The following MICU1 variants were observed in gnomAD, a reference collection of about 807,000 sequenced individuals.
MICU1 encodes calcium uptake protein 1, mitochondrial.
MICU1 carries 45 observed loss-of-function variants against 56.8 expected under a neutral mutation model. The ratio of observed to expected loss-of-function variants is 0.79; its 90% CI spans 0.62 to 1.02. The LOEUF is 1.02. MICU1 is among the 50% of genes least tolerant of loss of function. The pLI is 0.00. For synonymous variants in MICU1, 186 were observed against 195.1 expected (o/e 0.95, Z 0.39); for missense variants, 504 against 587.1 (o/e 0.86, Z 1.46).
chr10:72,537,619 A>G (rs192919295), intron 4 of MICU1, among the ~76,000 whole-genome samples: 101 of 152,308 alleles, frequency 6.6e-4, no homozygotes, highest in South Asian at 3.7e-3. Context: ...CTTTTTATTG[A>G]TAAGAAAGCC....
At chr10:72,624,643 G>A in intron 1 of MICU1, among the ~76,000 whole-genome samples, 1 of 152,068 alleles carries the variant, frequency 6.6e-6, no homozygotes, top group East Asian at 1.9e-4. Context: ...TTTCTCCTCA[G>A]GCACACAAGC....
At chr10:72,398,604 CG>C (rs1024822388) in intron 10 of MICU1, among the ~76,000 whole-genome samples, 8 of 151,906 alleles carry the variant, frequency 5.3e-5, no homozygotes, top group Admixed American at 2.0e-4. Context: ...GAAATGATAA[CG>C]GGGATATACC....
chr10:72,446,311 GC>G (rs2132197147), intron 8 of MICU1, among the ~76,000 whole-genome samples: 1 of 151,636 alleles, frequency 6.6e-6, no homozygotes, highest in East Asian at 1.9e-4. Flanking sequence ...AAAAATCTAA[GC>G]CTAATGGAGT....
At chr10:72,544,651 AT>A (rs1173552472) in intron 4 of MICU1, among the ~76,000 whole-genome samples, 1 of 152,220 alleles carries the variant, frequency 6.6e-6, no homozygotes, top group Non-Finnish European at 1.5e-5. Context: ...GGTTACTGCA[AT>A]AGCAAGCACC....
At position 72,551,206 on chromosome 10, in the gene MICU1, T is replaced by C. The variant is rs781121328; in HGVS notation, c.466A>G (p.Ile156Val). 3.1e-6 allele frequency: 5 copies of C among 1,609,022 alleles called. No individual in the cohort carries two copies. The highest frequency in any genetic ancestry group is 1.1e-5 in the South Asian group (1 of 90,162). Residue 156 changes from isoleucine (I) to valine (V), a missense_variant, in exon 4 of 12, where the codon ATA (isoleucine) becomes GTA (valine). Physicochemically the swap from Ile to Val is conservative, Grantham distance 29. Transcript: ENST00000361114. ...TCTGGTTGTTTTTCATTGGGTGTTATGGATCGCACAAAATCTTCTGGTGTC... is the reference window on the plus strand; with the variant it reads ...TCTGGTTGTTTTTCATTGGGTGTTACGGATCGCACAAAATCTTCTGGTGTC... ...FMTPEDFVRS[I>V]TPNEKQPEHL...
chr10:72,424,519 T>G (rs1242323900), intron 8 of MICU1, among the ~76,000 whole-genome samples: 1 of 151,964 alleles, frequency 6.6e-6, no homozygotes, highest in African/African-American at 2.4e-5. Context: ...GGTCTTGCTA[T>G]GTTGCCAGGC....
chr10:72,609,975 C>G (rs1425783730), intron 1 of MICU1, among the ~76,000 whole-genome samples: 2 of 150,336 alleles, frequency 1.3e-5, no homozygotes, highest in East Asian at 3.9e-4. Context: ...GCGGAGGTTG[C>G]AGTGAGCCGA....
chr10:72,462,743 C>A (rs1865675733), intron 8 of MICU1, among the ~76,000 whole-genome samples: 1 of 152,100 alleles, frequency 6.6e-6, no homozygotes, highest in African/African-American at 2.4e-5. Flanking sequence ...GACCTAAGAA[C>A]TTTTTATACA....
chr10:72,429,993 A>G (rs1226023503), intron 8 of MICU1, among the ~76,000 whole-genome samples: 1 of 152,166 alleles, frequency 6.6e-6, no homozygotes, highest in East Asian at 1.9e-4. Context: ...TTTAAAGTCA[A>G]CGTGAATCAT....
At chr10:72,547,335 A>G (rs1467641061) in intron 4 of MICU1, among the ~76,000 whole-genome samples, 1 of 152,128 alleles carries the variant, frequency 6.6e-6, no homozygotes, top group Non-Finnish European at 1.5e-5. Context: ...CACAGTACCC[A>G]GCCAATGCTC....
At chr10:72,474,258 C>CAAAAAAAAAAAAAAAAA (rs55978543) in intron 8 of MICU1, among the ~76,000 whole-genome samples, 18 of 60,728 alleles carry the variant, frequency 3.0e-4, no homozygotes, top group South Asian at 9.1e-4. Context: ...AGGACTGTCT[C>CAAAAAAAAAAAAAAAAA]AAAAAAAAAA....
intron 11 of MICU1, among the ~76,000 whole-genome samples, chr10:72,371,432 T>C (rs1210638498): frequency 1.5e-5 from 2 of 130,698 alleles, no homozygotes; most frequent in Non-Finnish European, 3.3e-5. Flanking sequence ...AAGTAATGAA[T>C]AATTTGGCTT....
chr10:72,432,620 T>C (rs1006160478), intron 8 of MICU1, among the ~76,000 whole-genome samples: 1 of 152,146 alleles, frequency 6.6e-6, no homozygotes, highest in African/African-American at 2.4e-5. Flanking sequence ...AGCAGGCATA[T>C]TACATGGCAA....
chr10:72,438,994 C>G (rs551748501), intron 8 of MICU1, among the ~76,000 whole-genome samples: 3 of 152,164 alleles, frequency 2.0e-5, no homozygotes, highest in African/African-American at 7.2e-5. Context: ...GGTACCATTC[C>G]TTCTGAAACT....
chr10:72,470,214 C>A (rs1473382376), intron 8 of MICU1, among the ~76,000 whole-genome samples: 1 of 152,184 alleles, frequency 6.6e-6, no homozygotes. Flanking sequence ...ACCAAGGCCT[C>A]ATTAGCACTA....
chr10:72,478,150 T>A (rs1053956669), intron 6 of MICU1, among the ~76,000 whole-genome samples: 2 of 150,412 alleles, frequency 1.3e-5, no homozygotes, highest in African/African-American at 4.9e-5. Context: ...ATTACAGGTG[T>A]GAGCCACGGC....
At chr10:72,574,948 C>T (rs1840703932) in intron 1 of MICU1, among the ~76,000 whole-genome samples, 1 of 152,198 alleles carries the variant, frequency 6.6e-6, no homozygotes, top group South Asian at 2.1e-4. Flanking sequence ...AGGTTTATTA[C>T]TAGTTGTAAA....
At chr10:72,603,178 G>C (rs1211325661) in intron 1 of MICU1, among the ~76,000 whole-genome samples, 2 of 151,822 alleles carry the variant, frequency 1.3e-5, no homozygotes, top group Non-Finnish European at 2.9e-5. Context: ...CCTGAGGTCA[G>C]GAGTTCGAGA....
At chr10:72,378,194 A>C (rs975431893) in intron 10 of MICU1, among the ~76,000 whole-genome samples, 1 of 152,218 alleles carries the variant, frequency 6.6e-6, no homozygotes, top group Non-Finnish European at 1.5e-5. Flanking sequence ...CGGAGGTTGC[A>C]GTGAGCCAAG....
Sources: allele counts gnomAD v4.1 joint callset (sites outside exome capture counted in the v4.1 genomes callset), GRCh38; gene constraint gnomAD v4.1.1; transcripts MANE v1.5; gene names NCBI Gene and HGNC (gene_info 2026-07-23, HGNC 2026-07-21).